Variants in CTIF observed in about 807,000 individuals in gnomAD.
CTIF encodes the protein CBP80/20-dependent translation initiation factor.
In CTIF, 21 loss-of-function variants were observed where a neutral mutation model predicts 66.0. The ratio of observed to expected loss-of-function variants is 0.32; its 90% CI spans 0.23 to 0.46. The LOEUF (loss-of-function observed/expected upper bound fraction) is 0.46. Among genes scored for constraint, CTIF ranks in the 20% least tolerant of loss-of-function variants. The probability of loss-of-function intolerance (pLI) is 1.00; values close to 1 mark genes in which losing one functional copy is unlikely to be tolerated. For synonymous variants in CTIF, 345 were observed against 326.4 expected (o/e 1.06, Z -0.62); for missense variants, 739 against 812.7 (o/e 0.91, Z 1.10).
At chr18:48,801,486 G>T (rs1324702742) in intron 9 of CTIF, among the ~76,000 whole-genome samples, 1 of 152,202 alleles carries the variant, frequency 6.6e-6, no homozygotes, top group Non-Finnish European at 1.5e-5. Flanking sequence ...GAGGGATAAT[G>T]CCACATAAAT....
chr18:48,688,408 G>T (rs7244718), intron 6 of CTIF: 1,995 of 152,424 alleles, frequency 0.013, 52 homozygotes, highest in African/African-American at 0.046. Flanking sequence ...AGGTATAGGG[G>T]TGCCAAGGAT....
rs116249118 is a variant in CTIF, at chr18:48,804,719, G to A, written c.1372-12502G>A. Among the ~76,000 whole-genome samples, 1,441 of 152,280 alleles carry A rather than the reference G, an allele frequency of 9.5e-3. 24 individuals carry two copies. The highest frequency in any genetic ancestry group is 0.033 in the African/African-American group (1,356 of 41,548). The stretch of plus-strand genomic sequence containing the variant: ...ACCTTCCACGATGCTGCCCTAGGTG[G>A]GTGTGTGAGAGGCAGGGTCCATGGG... On this transcript the variant is annotated intron_variant, in intron 9 of 11. Coordinates refer to ENST00000256413, the MANE Select transcript of CTIF (RefSeq NM_014772.3).
At chr18:48,846,889 A>G (rs370100871) in intron 10 of CTIF, among the ~76,000 whole-genome samples, 8 of 152,264 alleles carry the variant, frequency 5.3e-5, no homozygotes, top group African/African-American at 1.9e-4. Context: ...GCAAGTAGAC[A>G]GATGGATAAA....
At chr18:48,595,580 C>T (rs2144048606) in intron 1 of CTIF, among the ~76,000 whole-genome samples, 1 of 152,184 alleles carries the variant, frequency 6.6e-6, no homozygotes, top group African/African-American at 2.4e-5. Flanking sequence ...GTGCACACCA[C>T]CACACTAGGC....
At chr18:48,693,748 C>T (rs2091966790) in intron 6 of CTIF, among the ~76,000 whole-genome samples, 1 of 152,234 alleles carries the variant, frequency 6.6e-6, no homozygotes, top group African/African-American at 2.4e-5. Context: ...GCGCCAAGTC[C>T]AGCCCTCCAT....
At chr18:48,630,393 T>C (rs1450662012) in intron 2 of CTIF, among the ~76,000 whole-genome samples, 1 of 152,250 alleles carries the variant, frequency 6.6e-6, no homozygotes, top group Non-Finnish European at 1.5e-5. Context: ...AATTTTGATG[T>C]AGTTTAAAAT....
At chr18:48,572,204 G>A (rs1416478873) in intron 1 of CTIF, among the ~76,000 whole-genome samples, 1 of 151,952 alleles carries the variant, frequency 6.6e-6, no homozygotes, top group Non-Finnish European at 1.5e-5. Flanking sequence ...ACTGATTGGA[G>A]GAGGCCCACC....
chr18:48,568,659 AAAAAAAAAAG>A (rs1770744771), intron 1 of CTIF, among the ~76,000 whole-genome samples: 2 of 143,680 alleles, frequency 1.4e-5, no homozygotes, highest in African/African-American at 5.1e-5. Context: ...AAAAAAAAAA[AAAAAAAAAAG>A]AGGTTTAATG....
At chr18:48,555,247 G>C (rs1379258310) in intron 1 of CTIF, among the ~76,000 whole-genome samples, 1 of 152,192 alleles carries the variant, frequency 6.6e-6, no homozygotes, top group Non-Finnish European at 1.5e-5. Flanking sequence ...TTCATGGGCA[G>C]CTTCTAGATA....
intron 1 of CTIF, among the ~76,000 whole-genome samples, chr18:48,603,972 T>G (rs1366444691): frequency 6.7e-6 from 1 of 148,392 alleles, no homozygotes; most frequent in African/African-American, 2.5e-5. Flanking sequence ...CCTCAGCCTC[T>G]CGAGTAGCTG....
chr18:48,708,615 C>G (rs1340000804), intron 6 of CTIF, among the ~76,000 whole-genome samples: 1 of 152,226 alleles, frequency 6.6e-6, no homozygotes, highest in Non-Finnish European at 1.5e-5. Flanking sequence ...CCTCTATAGC[C>G]CTGGCCTGGA....
chr18:48,785,845 G>A (rs997440354), intron 9 of CTIF, among the ~76,000 whole-genome samples: 1 of 152,166 alleles, frequency 6.6e-6, no homozygotes. Flanking sequence ...ACCATCTTAT[G>A]GGTAGGACCC....
intron 10 of CTIF, among the ~76,000 whole-genome samples, chr18:48,831,778 G>A (rs565153410): frequency 1.3e-5 from 2 of 152,274 alleles, no homozygotes; most frequent in East Asian, 1.9e-4. Flanking sequence ...CCATTTTAAC[G>A]TGTAATCAAT....
chr18:48,557,042 T>A (rs1252878037), intron 1 of CTIF, among the ~76,000 whole-genome samples: 1 of 152,136 alleles, frequency 6.6e-6, no homozygotes, highest in Non-Finnish European at 1.5e-5. Context: ...GGATGGCTGT[T>A]CTTATGATCA....
intron 9 of CTIF, among the ~76,000 whole-genome samples, chr18:48,769,544 C>G (rs1292429198): frequency 6.6e-6 from 1 of 152,254 alleles, no homozygotes; most frequent in Non-Finnish European, 1.5e-5. Flanking sequence ...AAGGTGGGCA[C>G]CAACAGGCCT....
chr18:48,645,982 A>C (rs2091024091), intron 3 of CTIF, among the ~76,000 whole-genome samples: 1 of 152,212 alleles, frequency 6.6e-6, no homozygotes, highest in African/African-American at 2.4e-5. Context: ...CTAACATGAA[A>C]ATGTCCTGGT....
In CTIF at chr18:48,619,715, G is replaced by C. The variant is rs760378675; in HGVS notation, c.150G>C (p.Glu50Asp). ...LLADKTEGDG[E>D]SERTQSHISQ... ...CTGACAAGACGGAGGGTGATGGCGA[G>C]AGCGAGAGGACCCAGTCCCACATCT... The change falls in exon 2 of 12, where the codon GAG (glutamate) becomes GAC (aspartate). Residue 50 changes from glutamate to aspartate, a missense_variant. This residue lies in a region of CTIF where 529 missense variants were observed against 520.3 expected (regional missense o/e 1.02). Transcript: ENST00000256413. 3 of 1,604,410 alleles carry C rather than the reference G, an allele frequency of 1.9e-6. No individual in the cohort carries two copies. Among genetic ancestry groups the C allele is most frequent in the Non-Finnish European group, 2.6e-6 (3 of 1,175,744 alleles).
intron 1 of CTIF, among the ~76,000 whole-genome samples, chr18:48,588,561 C>G (rs895264309): frequency 6.6e-6 from 1 of 152,212 alleles, no homozygotes; most frequent in African/African-American, 2.4e-5. Context: ...CCCCCAAACA[C>G]ATGGCATCCT....
At chr18:48,844,864 C>G (rs916284769) in intron 10 of CTIF, among the ~76,000 whole-genome samples, 1 of 152,194 alleles carries the variant, frequency 6.6e-6, no homozygotes, top group Non-Finnish European at 1.5e-5. Flanking sequence ...ATGGCCACAC[C>G]AGCCCTTCCT....
Sources: allele counts gnomAD v4.1 joint callset (sites outside exome capture counted in the v4.1 genomes callset), GRCh38; gene constraint gnomAD v4.1.1; regional missense constraint gnomAD v4.1.1; transcripts MANE v1.5; gene names NCBI Gene and HGNC (gene_info 2026-07-23, HGNC 2026-07-21).